Variants in LRP2 observed in about 807,000 individuals in gnomAD.
The protein encoded by LRP2 is LDL receptor related protein 2, also known as low-density lipoprotein receptor-related protein 2.
A neutral mutation model predicts 531.0 loss-of-function variants in LRP2; 172 were observed. That is an observed-to-expected ratio of 0.32 (90% CI 0.29 to 0.37). LRP2 has a LOEUF of 0.37. Ranked by LOEUF, LRP2 falls within the 10% of genes least tolerant of loss-of-function variation. The pLI, the probability that LRP2 is intolerant of heterozygous loss-of-function variation, is 1.00. For missense variants in LRP2, 5,167 were observed against 5,868.3 expected (o/e 0.88, Z 3.90); for synonymous variants, 1,992 against 2,027.6 (o/e 0.98, Z 0.47).
At chr2:169,297,016 C>T (rs2673164) in intron 4 of LRP2, among the ~76,000 whole-genome samples, 94,323 of 151,950 alleles carry the variant, frequency 0.62, 30,711 homozygotes, top group Middle Eastern at 0.76. Flanking sequence ...TTGATCTCTT[C>T]GGTGCATAGT....
chr2:169,304,043 G>C (rs1219955806), intron 4 of LRP2, among the ~76,000 whole-genome samples: 1 of 152,156 alleles, frequency 6.6e-6, no homozygotes, highest in Admixed American at 6.6e-5. Context: ...TTTGCCAGAA[G>C]GTTCATTGGC....
At chr2:169,328,528 TA>T (rs1296606846) in intron 1 of LRP2, among the ~76,000 whole-genome samples, 3 of 148,842 alleles carry the variant, frequency 2.0e-5, no homozygotes, top group Non-Finnish European at 4.5e-5. Flanking sequence ...ACAGAGCCTA[TA>T]AGTTTATTGG....
rs867653185 is a variant in LRP2, at chr2:169,359,598, C to T, written c.79+2723G>A. Among the ~76,000 whole-genome samples the T allele has an allele frequency of 4.1e-4, 63 of 152,134 alleles. No homozygotes were observed. In the Middle Eastern group the frequency reaches 0.01, roughly 25 times the overall value. ...TACAACAGGATTCTAGAAATCTCAACGTATCAGGCAGAGGACATTCAGAGG... is the reference window on the plus strand; with the variant it reads ...TACAACAGGATTCTAGAAATCTCAATGTATCAGGCAGAGGACATTCAGAGG... On this transcript the variant is annotated intron_variant, in intron 1 of 78. Coordinates refer to ENST00000649046, the MANE Select transcript of LRP2 (RefSeq NM_004525.3).
chr2:169,311,608 C>T (rs1244984832), intron 3 of LRP2, among the ~76,000 whole-genome samples: 1 of 152,148 alleles, frequency 6.6e-6, no homozygotes, highest in Admixed American at 6.5e-5. Context: ...ATGGGGAGTG[C>T]TTTACTTCCA....
At chr2:169,230,051 G>A (rs1214922618) in intron 31 of LRP2, among the ~76,000 whole-genome samples, 1 of 152,086 alleles carries the variant, frequency 6.6e-6, no homozygotes, top group Non-Finnish European at 1.5e-5. Context: ...GTTCCACTTC[G>A]GTAAAGTCAA....
At position 169,128,463 on chromosome 2, in the gene LRP2, T is replaced by C. The variant is rs756896642; in HGVS notation, c.*200A>G. On this transcript the variant is annotated 3_prime_UTR_variant, in exon 79 of 79. Coordinates refer to ENST00000649046, the MANE Select transcript of LRP2 (RefSeq NM_004525.3). ...GACAACTTCAGTGCAAAGATATACA[T>C]ATAGTACATTGTGATAATTATTTGT... 1.2e-5 allele frequency: 7 copies of C among 562,102 alleles called. No homozygotes were observed. Among genetic ancestry groups the C allele is most frequent in the African/African-American group, 1.9e-5 (1 of 53,032 alleles). The allele number at this position is 562,102 out of a possible 1,614,324, so 34.8% of individuals were successfully genotyped here.
chr2:169,323,137 A>G (rs1342059182), intron 1 of LRP2, among the ~76,000 whole-genome samples: 1 of 152,214 alleles, frequency 6.6e-6, no homozygotes, highest in Admixed American at 6.5e-5. Flanking sequence ...AAATGTTGCA[A>G]TTAACTAATT....
In LRP2 at chr2:169,203,971, C is replaced by T. The variant is rs1232071141; in HGVS notation, c.8005+11G>A. On this transcript the variant is annotated intron_variant, in intron 42 of 78. Transcript: ENST00000649046. ...TTCTCCATGTTCTAATTTTCATGGT[C>T]AGTGCCTTACCTGGTGCACAGATAT... 2 of 1,613,718 alleles carry T rather than the reference C, an allele frequency of 1.2e-6. No homozygotes were observed. The highest frequency in any genetic ancestry group is 2.7e-5 in the African/African-American group (2 of 75,028).
chr2:169,359,229 C>T (rs761395364), intron 1 of LRP2, among the ~76,000 whole-genome samples: 139 of 152,194 alleles, frequency 9.1e-4, no homozygotes, highest in Non-Finnish European at 1.7e-3. Context: ...TGCAGATAAG[C>T]CATCTGAGCT....
intron 15 of LRP2, 144 bp from the exon 16 acceptor site, chr2:169,271,251 C>A: frequency 5.0e-6 from 3 of 604,044 alleles, no homozygotes; most frequent in Non-Finnish European, 5.7e-6. Flanking sequence ...TTTTGGAAAG[C>A]ATAGTTAGAA....
At chr2:169,188,352 T>A (rs1687708149) in intron 48 of LRP2, 87 bp from the exon 49 acceptor site, 1 of 1,276,442 alleles carries the variant, frequency 7.8e-7, no homozygotes, top group Non-Finnish European at 1.1e-6. Context: ...TCCTTCTTTA[T>A]CTACCTAAAT....
intron 27 of LRP2, 99 bp from the exon 28 acceptor site, chr2:169,237,386 C>T (rs1004059406): frequency 1.0e-6 from 1 of 972,414 alleles, no homozygotes; most frequent in African/African-American, 1.6e-5. Flanking sequence ...CTAACTTGTC[C>T]TATAATTACT....
intron 10 of LRP2, 60 bp downstream of exon 10, chr2:169,282,813 G>A: frequency 1.3e-6 from 2 of 1,549,654 alleles, no homozygotes; most frequent in East Asian, 2.2e-5. Flanking sequence ...CAGAAGGAAG[G>A]AAAGAAGCTA....
chr2:169,282,921 C>G lies in LRP2; in HGVS notation c.1123G>C (p.Glu375Gln). 6.2e-7 allele frequency: 1 copy of G among 1,614,162 alleles called. No homozygotes were observed. The highest frequency in any genetic ancestry group is 8.5e-7 in the Non-Finnish European group (1 of 1,179,982). ...RPGRHLCHCE[E>Q]GYILERGQYC... is the part of the protein sequence containing the mutation. ...TGTCCACGCTCCAAGATATACCCTTCTTCACAGTGGCACAGGTGACGGCCA... is the reference window on the plus strand; with the variant it reads ...TGTCCACGCTCCAAGATATACCCTTGTTCACAGTGGCACAGGTGACGGCCA... The change falls in exon 10 of 79, where the codon GAA (glutamate) becomes CAA (glutamine). Residue 375 changes from glutamate (E) to glutamine (Q), a missense_variant. Physicochemically the swap from Glu to Gln is conservative, Grantham distance 29. This residue lies in a region of LRP2 where 2,811 missense variants were observed against 3,058.0 expected (regional missense o/e 0.92). Coordinates refer to ENST00000649046, the MANE Select transcript of LRP2 (RefSeq NM_004525.3).
chr2:169,133,938 TCAAGCC>T (rs1685389342), intron 76 of LRP2, among the ~76,000 whole-genome samples: 1 of 152,166 alleles, frequency 6.6e-6, no homozygotes, highest in African/African-American at 2.4e-5. Context: ...ATTACTTCAG[TCAAGCC>T]CAAATTTCAT....
intron 44 of LRP2, among the ~76,000 whole-genome samples, chr2:169,200,789 A>G (rs1688179453): frequency 1.3e-5 from 2 of 152,184 alleles, no homozygotes; most frequent in Non-Finnish European, 2.9e-5. Flanking sequence ...CTAGAATTCT[A>G]AAGAGCCCAT....
chr2:169,304,129 C>G (rs1684353601), intron 4 of LRP2, among the ~76,000 whole-genome samples: 1 of 152,114 alleles, frequency 6.6e-6, no homozygotes, highest in African/African-American at 2.4e-5. Flanking sequence ...TTTATTTTCC[C>G]CAAAGTAGCA....
chr2:169,138,088 G>A (rs946370152), intron 75 of LRP2, among the ~76,000 whole-genome samples: 7 of 152,170 alleles, frequency 4.6e-5, no homozygotes, highest in African/African-American at 1.2e-4. Context: ...GAGATATCAA[G>A]CTCCATGTCT....
At chr2:169,187,845 A>G in intron 49 of LRP2, 125 bp downstream of exon 49, 1 of 1,066,202 alleles carries the variant, frequency 9.4e-7, no homozygotes, top group Non-Finnish European at 1.4e-6. Flanking sequence ...TTGCTATATC[A>G]GGAATAGTGA....
Sources: allele counts gnomAD v4.1 joint callset (sites outside exome capture counted in the v4.1 genomes callset), GRCh38; gene constraint gnomAD v4.1.1; regional missense constraint gnomAD v4.1.1; transcripts MANE v1.5; gene names NCBI Gene and HGNC (gene_info 2026-07-23, HGNC 2026-07-21).